Variants in PTPRN2 observed in about 807,000 individuals in gnomAD.
PTPRN2 encodes the protein receptor-type tyrosine-protein phosphatase N2.
PTPRN2 carries 74 observed loss-of-function variants against 118.8 expected under a neutral mutation model. The ratio of observed to expected loss-of-function variants is 0.62; its 90% CI spans 0.52 to 0.76. PTPRN2 has a LOEUF of 0.76. PTPRN2 is among the 30% of genes least tolerant of loss of function. PTPRN2 has a pLI of 0.00. For missense variants in PTPRN2, 1,481 were observed against 1,394.4 expected, an observed-to-expected ratio of 1.06 and a Z score of -0.99; for synonymous variants, 641 against 608.0, an observed-to-expected ratio of 1.05 and a Z score of -0.80.
At chr7:158,274,338 C>T (rs1306942812) in intron 3 of PTPRN2, among the ~76,000 whole-genome samples, 13 of 3,032 alleles carry the variant, frequency 4.3e-3, no homozygotes, top group Non-Finnish European at 9.2e-3. Context: ...GAGCCGCAGA[C>T]GCGGGAGAGC....
chr7:158,300,435 G>A (rs1201382438), intron 3 of PTPRN2, among the ~76,000 whole-genome samples: 3 of 150,810 alleles, frequency 2.0e-5, no homozygotes, highest in East Asian at 2.0e-4. Context: ...TTGACACGCT[G>A]CTGTTGCTGT....
At chr7:158,066,373 C>G (rs190329821) in intron 11 of PTPRN2, among the ~76,000 whole-genome samples, 1 of 152,330 alleles carries the variant, frequency 6.6e-6, no homozygotes, top group Admixed American at 6.5e-5. Context: ...CCAGGGCCGA[C>G]AGGCACACTG....
At chr7:157,894,709 G>A (rs1302066336) in intron 12 of PTPRN2, among the ~76,000 whole-genome samples, 1 of 152,094 alleles carries the variant, frequency 6.6e-6, no homozygotes. Flanking sequence ...TGTGGCCTTG[G>A]GGTGGATGGA....
At chr7:158,484,765 G>C (rs1042982730) in intron 2 of PTPRN2, among the ~76,000 whole-genome samples, 1 of 152,204 alleles carries the variant, frequency 6.6e-6, no homozygotes, top group Non-Finnish European at 1.5e-5. Flanking sequence ...TCAGTGTGCC[G>C]GTGCTTCCTG....
At chr7:158,516,043 T>C (rs540362664) in intron 1 of PTPRN2, among the ~76,000 whole-genome samples, 10 of 152,298 alleles carry the variant, frequency 6.6e-5, no homozygotes, top group African/African-American at 1.9e-4. Context: ...ACGCTGGTGA[T>C]TGCACCTCAC....
At chr7:157,573,216 C>G (rs1007366296) in intron 19 of PTPRN2, among the ~76,000 whole-genome samples, 1 of 152,242 alleles carries the variant, frequency 6.6e-6, no homozygotes, top group African/African-American at 2.4e-5. Context: ...TGAGACTGCA[C>G]GCATGTGTGT....
intron 12 of PTPRN2, among the ~76,000 whole-genome samples, chr7:157,877,195 C>T (rs1326519097): frequency 2.0e-4 from 30 of 150,596 alleles, no homozygotes. Flanking sequence ...CCTCGGGGAC[C>T]CCGGGTCCGA....
rs539223313 is a variant in PTPRN2 at position 158,546,389 on chromosome 7, A to C, written c.112+41169T>G. 7.2e-5 allele frequency among the ~76,000 whole-genome samples: 11 copies of C among 152,284 alleles called. No homozygotes were observed. In the East Asian group the frequency reaches 2.1e-3, roughly 29 times the overall value. The stretch of plus-strand genomic sequence containing the variant: ...ATCCCTCCCAGGGGAGGACGGACTG[A>C]GCTCTCAGAGTCCTTTGGGCACCAC... On this transcript the variant is annotated intron_variant, in intron 1 of 22. Coordinates refer to ENST00000389418, the MANE Select transcript of PTPRN2 (RefSeq NM_002847.5). The surrounding 1 kb of genome is among the most constrained non-coding windows in gnomAD (Gnocchi z 5.0).
intron 11 of PTPRN2, among the ~76,000 whole-genome samples, chr7:157,936,091 G>A (rs547636943): frequency 2.0e-5 from 3 of 152,302 alleles, no homozygotes; most frequent in South Asian, 2.1e-4. Context: ...TTCGCAATCC[G>A]AAAGTGAACC....
At chr7:158,167,416 C>A in intron 5 of PTPRN2, 125 bp from the exon 6 acceptor site, 1 of 1,272,162 alleles carries the variant, frequency 7.9e-7, no homozygotes, top group Non-Finnish European at 1.1e-6. Flanking sequence ...AGATGCCCTT[C>A]GGTCTCAGGT....
At chr7:157,827,271 G>T (rs1449171876) in intron 12 of PTPRN2, among the ~76,000 whole-genome samples, 2 of 152,124 alleles carry the variant, frequency 1.3e-5, no homozygotes, top group Non-Finnish European at 2.9e-5. Context: ...CTGCATTTGG[G>T]TTTTCATCTT....
At chr7:158,554,668 G>A (rs981732161) in intron 1 of PTPRN2, among the ~76,000 whole-genome samples, 2 of 152,190 alleles carry the variant, frequency 1.3e-5, no homozygotes, top group Non-Finnish European at 2.9e-5. Context: ...TCGCGGCTCT[G>A]GCCCCCCTTT....
intron 2 of PTPRN2, among the ~76,000 whole-genome samples, chr7:158,359,473 A>G (rs1808667063): frequency 6.6e-6 from 1 of 152,176 alleles, no homozygotes; most frequent in Non-Finnish European, 1.5e-5. Flanking sequence ...TGGAGCCATA[A>G]AAGGACTGCT....
rs570971436 is a variant in PTPRN2, at chr7:157,603,334, T to C, written c.2418+668A>G. Among the ~76,000 whole-genome samples the C allele has an allele frequency of 2.3e-3, 354 of 152,078 alleles. 3 individuals carry two copies. The highest frequency in any genetic ancestry group is 1.5e-3 in the Non-Finnish European group (104 of 67,972). Reference sequence around the variant, plus strand: ...GGGAAGGGGGATGCCCAGAGTTAAATAGGGTGAGAGCCGCGTCTAGCATGG... The same window carrying C: ...GGGAAGGGGGATGCCCAGAGTTAAACAGGGTGAGAGCCGCGTCTAGCATGG... On this transcript the variant is annotated intron_variant, in intron 16 of 22. Transcript: ENST00000389418. This position sits in a 1 kb window ranked among gnomAD's most constrained non-coding sequence, Gnocchi z 5.4.
At chr7:157,595,395 G>T (rs1314285156) in intron 16 of PTPRN2, 80 bp from the exon 17 acceptor site, 3 of 1,340,428 alleles carry the variant, frequency 2.2e-6, no homozygotes, top group African/African-American at 3.1e-5. Context: ...AGGTTAGGAA[G>T]CCAGAAGGTT....
Position 158,262,334 on chromosome 7 carries a change from T to C in PTPRN2, c.277+54485A>G, listed in dbSNP as rs573822667. On this transcript the variant is annotated intron_variant, in intron 3 of 22. Transcript: ENST00000389418. ...ACACTGCACACACATTCACACACAC[T>C]GCACACATATTCACACACACTGCAA... 2.4e-3 allele frequency among the ~76,000 whole-genome samples: 332 copies of C among 136,184 alleles called. 2 individuals carry two copies. The highest frequency in any genetic ancestry group is 9.1e-3 in the African/African-American group (323 of 35,312). The allele number at this position is 136,184 out of a possible 152,430, so 89.3% of individuals were successfully genotyped here. A position where few individuals can be genotyped will look rare whatever the true frequency, so the allele number is the denominator to read the frequency against.
Position 158,070,866 on chromosome 7 carries a change from G to T in PTPRN2, c.1723+10432C>A, listed in dbSNP as rs1177183604. ...TGGTGGTATGGAGGTGCCCGTGGTG[G>T]TGGTGGTGCCCATGGTGGTGGAGGT... is the stretch of plus-strand genomic sequence containing the variant. On this transcript the variant is annotated intron_variant, in intron 11 of 22. Coordinates refer to ENST00000389418, the MANE Select transcript of PTPRN2 (RefSeq NM_002847.5). Among the ~76,000 whole-genome samples, 4 of 136,512 alleles carry T rather than the reference G, an allele frequency of 2.9e-5. No homozygotes were observed. In the South Asian group the frequency reaches 1.0e-3, roughly 34 times the overall value. 89.6% of individuals were successfully genotyped at this position (136,512 alleles called of 152,430 possible). A position where few individuals can be genotyped will look rare whatever the true frequency, so the allele number is the denominator to read the frequency against.
chr7:158,259,348 A>C (rs917959000), intron 3 of PTPRN2, among the ~76,000 whole-genome samples: 1 of 152,216 alleles, frequency 6.6e-6, no homozygotes, highest in East Asian at 1.9e-4. Context: ...TGCAGGGCAC[A>C]GAGCCACCCT....
intron 2 of PTPRN2, among the ~76,000 whole-genome samples, chr7:158,319,207 T>G (rs1370302630): frequency 6.6e-6 from 1 of 152,210 alleles, no homozygotes; most frequent in Admixed American, 6.5e-5. Flanking sequence ...TACTTGACAG[T>G]TGAAATAAAC....
Sources: allele counts gnomAD v4.1 joint callset (sites outside exome capture counted in the v4.1 genomes callset), GRCh38; gene constraint gnomAD v4.1.1; non-coding constraint Gnocchi (gnomAD v3.1); transcripts MANE v1.5; gene names NCBI Gene and HGNC (gene_info 2026-07-23, HGNC 2026-07-21).